Variants in MYO1D observed in about 807,000 individuals in gnomAD.
MYO1D encodes the protein myosin ID.
A neutral mutation model predicts 122.0 loss-of-function variants in MYO1D; 83 were observed. The observed-to-expected ratio is 0.68, with a 90% CI of 0.57 to 0.82. The LOEUF is 0.82. Ranked by LOEUF, MYO1D falls within the 40% of genes least tolerant of loss-of-function variation. The pLI, the probability that MYO1D is intolerant of heterozygous loss-of-function variation, is 0.00. For synonymous variants in MYO1D, 464 were observed against 446.9 expected (o/e 1.04, Z -0.48); for missense variants, 1,157 against 1,269.5 (o/e 0.91, Z 1.35).
intron 21 of MYO1D, among the ~76,000 whole-genome samples, chr17:32,591,447 C>T (rs750677708): frequency 3.2e-4 from 48 of 152,088 alleles, no homozygotes; most frequent in Non-Finnish European, 6.6e-4. Flanking sequence ...GAATGACAGG[C>T]GGCTCTTTCT....
At chr17:32,505,924 G>A (rs939469394) in intron 21 of MYO1D, among the ~76,000 whole-genome samples, 6 of 152,164 alleles carry the variant, frequency 3.9e-5, no homozygotes, top group African/African-American at 1.2e-4. Flanking sequence ...CAAAACAAAC[G>A]CTTTCTCAGA....
chr17:32,622,394 A>G (rs1199476723), intron 20 of MYO1D, among the ~76,000 whole-genome samples: 1 of 152,068 alleles, frequency 6.6e-6, no homozygotes, highest in East Asian at 1.9e-4. Flanking sequence ...TTCTGGGAAC[A>G]AGAGAGTCCC....
chr17:32,668,167 C>T (rs1597988523), intron 16 of MYO1D, among the ~76,000 whole-genome samples: 1 of 152,298 alleles, frequency 6.6e-6, no homozygotes, highest in East Asian at 1.9e-4. Flanking sequence ...TTGAAAATCT[C>T]TCAAGACTAT....
At chr17:32,637,607 G>A (rs2088121877) in intron 20 of MYO1D, among the ~76,000 whole-genome samples, 1 of 152,324 alleles carries the variant, frequency 6.6e-6, no homozygotes, top group African/African-American at 2.4e-5. Flanking sequence ...GGAGGTGGAG[G>A]TTGCGGTGAC....
intron 21 of MYO1D, among the ~76,000 whole-genome samples, chr17:32,514,052 G>A (rs1436084009): frequency 6.6e-6 from 1 of 151,700 alleles, no homozygotes; most frequent in Non-Finnish European, 1.5e-5. Flanking sequence ...GACCAGCCTG[G>A]CCAAGATAGT....
At chr17:32,770,856 A>G (rs1289763338) in intron 6 of MYO1D, among the ~76,000 whole-genome samples, 1 of 152,156 alleles carries the variant, frequency 6.6e-6, no homozygotes. Flanking sequence ...CGGAATAGGG[A>G]TAGGATTAAA....
At chr17:32,796,412 T>C (rs1276868753) in intron 1 of MYO1D, among the ~76,000 whole-genome samples, 1 of 152,196 alleles carries the variant, frequency 6.6e-6, no homozygotes, top group Non-Finnish European at 1.5e-5. Flanking sequence ...AATTACAGTA[T>C]TAAACATACT....
At chr17:32,719,285 G>A (rs2089481439) in intron 15 of MYO1D, among the ~76,000 whole-genome samples, 1 of 151,390 alleles carries the variant, frequency 6.6e-6, no homozygotes, top group African/African-American at 2.4e-5. Context: ...GTCCCTTACT[G>A]AAGGCACTGT....
intron 20 of MYO1D, among the ~76,000 whole-genome samples, chr17:32,633,487 TTTAC>T (rs2088050979): frequency 6.6e-6 from 1 of 152,308 alleles, no homozygotes. Context: ...CACTTTCCTC[TTTAC>T]TTACATCCTC....
At chr17:32,555,508 G>C (rs1331813226) in intron 21 of MYO1D, among the ~76,000 whole-genome samples, 1 of 151,946 alleles carries the variant, frequency 6.6e-6, no homozygotes, top group South Asian at 2.1e-4. Context: ...TTACTTTGTT[G>C]TCAGAAAAAA....
At chr17:32,683,943 C>A (rs1234118484) in intron 16 of MYO1D, among the ~76,000 whole-genome samples, 1 of 152,198 alleles carries the variant, frequency 6.6e-6, no homozygotes, top group Admixed American at 6.5e-5. Flanking sequence ...GGCATATAGT[C>A]TCGTGGTGCG....
chr17:32,672,473 T>C (rs969923397), intron 16 of MYO1D, among the ~76,000 whole-genome samples: 1 of 152,154 alleles, frequency 6.6e-6, no homozygotes, highest in Non-Finnish European at 1.5e-5. Context: ...TTCCCAATCA[T>C]AAAGGTTTTT....
chr17:32,694,420 C>G (rs1484344155), intron 16 of MYO1D, among the ~76,000 whole-genome samples: 1 of 152,158 alleles, frequency 6.6e-6, no homozygotes, highest in Non-Finnish European at 1.5e-5. Context: ...ACTGTTTCTT[C>G]TTATTTAAAA....
chr17:32,732,538 G>A (rs1238753035), intron 14 of MYO1D, among the ~76,000 whole-genome samples: 1 of 152,022 alleles, frequency 6.6e-6, no homozygotes, highest in Non-Finnish European at 1.5e-5. Context: ...TCATACTGCT[G>A]GTCTCCTCTA....
At chr17:32,608,476 A>G (rs2087657447) in intron 20 of MYO1D, among the ~76,000 whole-genome samples, 2 of 152,204 alleles carry the variant, frequency 1.3e-5, no homozygotes, top group Admixed American at 6.5e-5. Flanking sequence ...GCCTACAACA[A>G]CAAAAGAGTG....
At chr17:32,700,053 A>T (rs1250174379) in intron 16 of MYO1D, among the ~76,000 whole-genome samples, 3 of 152,206 alleles carry the variant, frequency 2.0e-5, no homozygotes, top group African/African-American at 7.2e-5. Context: ...GAAATGATTT[A>T]AAAAAATTTT....
chr17:32,723,828 A>G lies in MYO1D; in HGVS notation c.1747-2639T>C, dbSNP rs116553596. Among the ~76,000 whole-genome samples the G allele has an allele frequency of 4.8e-3, 731 of 152,258 alleles. 10 individuals carry two copies. Among genetic ancestry groups the G allele is most frequent in the African/African-American group, 0.014 (589 of 41,546 alleles). On this transcript the variant is annotated intron_variant, in intron 14 of 21. Coordinates refer to ENST00000318217, the MANE Select transcript of MYO1D (RefSeq NM_015194.3). Reference sequence around the variant, plus strand: ...GTCAACCCCTGAATCATGACAAAGAACCATTATTTTAAGCACTATATTTTA... The same window carrying G: ...GTCAACCCCTGAATCATGACAAAGAGCCATTATTTTAAGCACTATATTTTA...
intron 21 of MYO1D, among the ~76,000 whole-genome samples, chr17:32,598,636 A>G (rs887575775): frequency 6.6e-6 from 1 of 152,242 alleles, no homozygotes; most frequent in Non-Finnish European, 1.5e-5. Context: ...CCACTGCAAT[A>G]AAGTGAATAT....
intron 16 of MYO1D, among the ~76,000 whole-genome samples, chr17:32,663,984 G>A (rs534583222): frequency 6.6e-6 from 1 of 152,192 alleles, no homozygotes; most frequent in African/African-American, 2.4e-5. Flanking sequence ...GGGGTTGATG[G>A]CATGTTCTTT....
Sources: gnomAD v4.1 joint callset for allele counts (sites outside exome capture counted in the v4.1 genomes callset) on GRCh38, gnomAD v4.1.1 for gene constraint, MANE v1.5 for transcripts, NCBI Gene and HGNC (gene_info 2026-07-23, HGNC 2026-07-21) for gene names.